The following RUNX3 variants were observed in gnomAD, a reference collection of about 807,000 sequenced individuals.
RUNX3 encodes runt-related transcription factor 3.
RUNX3 carries 10 observed loss-of-function variants against 27.7 expected under a neutral mutation model. That is an observed-to-expected ratio of 0.36 (90% CI 0.22 to 0.61). The LOEUF is 0.61. RUNX3 is among the 20% of genes least tolerant of loss of function. The probability of loss-of-function intolerance (pLI) is 0.72; values close to 1 mark genes in which losing one functional copy is unlikely to be tolerated. For synonymous variants in RUNX3, 270 were observed against 269.2 expected (o/e 1.00, Z -0.03); for missense variants, 469 against 629.5 (o/e 0.75, Z 2.73).
chr1:24,958,024 C>T (rs571235556), intron 2 of RUNX3, among the ~76,000 whole-genome samples: 9 of 152,280 alleles, frequency 5.9e-5, no homozygotes, highest in South Asian at 2.1e-4. Context: ...CAGGGCTTGG[C>T]GCTGGAGAAA....
chr1:24,935,443 C>T (rs1346831515), intron 2 of RUNX3, among the ~76,000 whole-genome samples: 3 of 152,232 alleles, frequency 2.0e-5, no homozygotes, highest in Non-Finnish European at 4.4e-5. Flanking sequence ...ACCTCGGATC[C>T]TTCCACGCCC....
At chr1:24,924,470 A>G (rs1641061295) in intron 2 of RUNX3, among the ~76,000 whole-genome samples, 1 of 151,906 alleles carries the variant, frequency 6.6e-6, no homozygotes, top group African/African-American at 2.4e-5. Flanking sequence ...TTCCAGAAGG[A>G]AAGACAGTTC....
intron 2 of RUNX3, among the ~76,000 whole-genome samples, chr1:24,959,145 G>A (rs571689874): frequency 1.8e-4 from 27 of 152,330 alleles, no homozygotes; most frequent in South Asian, 1.2e-3. Flanking sequence ...CCAGGTAACC[G>A]AGGGAGCCTC....
chr1:24,919,887 T>C (rs1033224442), intron 2 of RUNX3, among the ~76,000 whole-genome samples: 1 of 152,142 alleles, frequency 6.6e-6, no homozygotes, highest in Non-Finnish European at 1.5e-5. Context: ...CATACTGTTT[T>C]TTTTTTCATT....
At chr1:24,935,686 A>C (rs544100921) in intron 2 of RUNX3, among the ~76,000 whole-genome samples, 2 of 152,340 alleles carry the variant, frequency 1.3e-5, no homozygotes, top group Admixed American at 6.5e-5. Flanking sequence ...AATCAGGGAA[A>C]TACTTCTGGA....
chr1:24,906,281 A>G (rs550934507), intron 4 of RUNX3, among the ~76,000 whole-genome samples: 1 of 152,340 alleles, frequency 6.6e-6, no homozygotes, highest in Non-Finnish European at 1.5e-5. Flanking sequence ...CTGGTCACAG[A>G]TGGGCTGTGT....
At chr1:24,917,846 C>T (rs1640917787) in intron 3 of RUNX3, among the ~76,000 whole-genome samples, 1 of 152,186 alleles carries the variant, frequency 6.6e-6, no homozygotes, top group African/African-American at 2.4e-5. Flanking sequence ...GCCATCACCA[C>T]CTTGAGACTC....
intron 2 of RUNX3, among the ~76,000 whole-genome samples, chr1:24,955,276 T>C (rs1641887697): frequency 1.3e-5 from 2 of 151,798 alleles, no homozygotes; most frequent in African/African-American, 2.4e-5. Flanking sequence ...TCCATGGAGG[T>C]GGTGCCCTCA....
upstream of RUNX3, among the ~76,000 whole-genome samples, chr1:24,933,814 C>A (rs762925758): frequency 6.6e-6 from 1 of 152,194 alleles, no homozygotes; most frequent in East Asian, 1.9e-4. Context: ...TCCCAGGAGG[C>A]CTCTGTTCCC....
intron 2 of RUNX3, among the ~76,000 whole-genome samples, chr1:24,957,565 C>CG (rs1261838800): frequency 6.6e-6 from 1 of 152,200 alleles, no homozygotes; most frequent in Non-Finnish European, 1.5e-5. Context: ...CCCAAGGGGG[C>CG]GGCCATGAAG....
At chr1:24,964,366 C>A in intron 2 of RUNX3, 2 of 681,534 alleles carry the variant, frequency 2.9e-6, no homozygotes, top group Non-Finnish European at 5.3e-6. Context: ...AGACCACCAA[C>A]CCCTCTTCCC....
At chr1:24,934,040 A>G (rs1641291093), upstream of RUNX3, among the ~76,000 whole-genome samples, 2 of 151,532 alleles carry the variant, frequency 1.3e-5, no homozygotes, top group Admixed American at 6.6e-5. Context: ...CATTCTAACC[A>G]CTCCATTTCA....
intron 2 of RUNX3, among the ~76,000 whole-genome samples, chr1:24,942,442 G>A (rs1041215322): frequency 1.3e-5 from 2 of 152,150 alleles, no homozygotes; most frequent in Admixed American, 1.3e-4. Flanking sequence ...ACAGATGGGG[G>A]TAAAGTCAGA....
intron 2 of RUNX3, among the ~76,000 whole-genome samples, chr1:24,945,493 C>T (rs374800520): frequency 3.0e-4 from 46 of 152,294 alleles, no homozygotes; most frequent in East Asian, 2.5e-3. Flanking sequence ...ATGCCAGACC[C>T]GGGCTGAGTG....
rs142219807 is a variant in RUNX3, at chr1:24,928,044, T to G, written c.283-314A>C. The stretch of plus-strand genomic sequence containing the variant: ...GTGAATCAGCTCAGTCACTATGATG[T>G]GGGGTGCAGTTCCCCTGTTGTCTTC... On this transcript the variant is annotated intron_variant, in intron 1 of 4. Coordinates refer to ENST00000308873, the MANE Select transcript of RUNX3 (RefSeq NM_004350.3). Among the ~76,000 whole-genome samples the G allele has an allele frequency of 4.2e-3, 634 of 152,350 alleles. 5 individuals carry two copies. Among genetic ancestry groups the G allele is most frequent in the Non-Finnish European group, 5.1e-3 (349 of 68,034 alleles).
chr1:24,905,624 C>T (rs1640649465), intron 4 of RUNX3, among the ~76,000 whole-genome samples: 1 of 152,234 alleles, frequency 6.6e-6, no homozygotes, highest in South Asian at 2.1e-4. Flanking sequence ...GGCATTGATT[C>T]CCAAGCTGTG....
chr1:24,924,513 C>T (rs757971944), intron 2 of RUNX3, among the ~76,000 whole-genome samples: 2 of 150,748 alleles, frequency 1.3e-5, no homozygotes, highest in Non-Finnish European at 2.9e-5. Flanking sequence ...CAGCGCTTTG[C>T]CAACAGGTGT....
chr1:24,957,463 C>A (rs1009009515), intron 2 of RUNX3, among the ~76,000 whole-genome samples: 1 of 152,316 alleles, frequency 6.6e-6, no homozygotes, highest in East Asian at 1.9e-4. Context: ...CAAGAACACC[C>A]TTTGGACACC....
chr1:24,909,580 G>T (rs923797322), intron 3 of RUNX3, among the ~76,000 whole-genome samples: 2 of 152,292 alleles, frequency 1.3e-5, no homozygotes, highest in South Asian at 4.1e-4. Context: ...AACAAGCATG[G>T]CGAGAATGAC....
Sources: gnomAD v4.1 joint callset for allele counts (sites outside exome capture counted in the v4.1 genomes callset) on GRCh38, gnomAD v4.1.1 for gene constraint, MANE v1.5 for transcripts, NCBI Gene and HGNC (gene_info 2026-07-23, HGNC 2026-07-21) for gene names.